SLC35G1: variants seen among roughly 807,000 people sequenced by gnomAD.
SLC35G1 encodes partner of STIM1.
Under a neutral mutation model 17.1 loss-of-function variants are expected in SLC35G1, and 10 were observed. The observed-to-expected ratio is 0.59, with a 90% CI of 0.36 to 0.99. SLC35G1 has a LOEUF of 0.99. SLC35G1 is among the 50% of genes least tolerant of loss of function. The pLI is 0.01. For synonymous variants in SLC35G1, 185 were observed against 181.1 expected, an observed-to-expected ratio of 1.02 and a Z score of -0.18; for missense variants, 433 against 468.4, an observed-to-expected ratio of 0.92 and a Z score of 0.70.
At chr10:93,907,532 A>G (rs1425530594), downstream of SLC35G1, 1 of 152,238 alleles carries the variant, frequency 6.6e-6, no homozygotes, top group Non-Finnish European at 1.5e-5. Flanking sequence ...TTAAAAATAA[A>G]TTTAAGAAGA....
Position 93,901,545 on chromosome 10 carries a change from T to TAC in SLC35G1, c.*57_*58dup. 6.6e-7 allele frequency: 1 copy of TAC among 1,525,000 alleles called. No homozygotes were observed. The highest frequency in any genetic ancestry group is 1.3e-5 in the South Asian group (1 of 75,012). 94.5% of individuals were successfully genotyped at this position (1,525,000 alleles called of 1,614,324 possible). ...CAAGTACACCATCACCTAATTCACA[T>TAC]ACAGCATACGCACACATCTGGAAAA... On this transcript the variant is annotated 3_prime_UTR_variant, in exon 3 of 3. Coordinates refer to ENST00000427197, the MANE Select transcript of SLC35G1 (RefSeq NM_001134658.3).
downstream of SLC35G1, among the ~76,000 whole-genome samples, chr10:93,905,987 A>G (rs1372043189): frequency 6.6e-6 from 1 of 152,218 alleles, no homozygotes; most frequent in African/African-American, 2.4e-5. Context: ...GGAGTGCATT[A>G]CTAACCAGAA....
At chr10:93,907,560 A>G (rs536328355), downstream of SLC35G1, 1 of 152,340 alleles carries the variant, frequency 6.6e-6, no homozygotes, top group East Asian at 1.9e-4. Flanking sequence ...AGCTTTCCAT[A>G]TATGGGTGTG....
chr10:93,895,832 G>A (rs2060324114), intron 1 of SLC35G1, among the ~76,000 whole-genome samples: 1 of 152,060 alleles, frequency 6.6e-6, no homozygotes, highest in African/African-American at 2.4e-5. Context: ...GGACAGTGTG[G>A]GTCTTACACT....
chr10:93,904,677 A>C (rs2060417196), downstream of SLC35G1, among the ~76,000 whole-genome samples: 1 of 152,222 alleles, frequency 6.6e-6, no homozygotes, highest in Non-Finnish European at 1.5e-5. Context: ...CTGAAGGTCT[A>C]GTGTGGTTTT....
intron 2 of SLC35G1, among the ~76,000 whole-genome samples, chr10:93,900,204 A>C (rs919468241): frequency 5.9e-5 from 9 of 152,208 alleles, no homozygotes; most frequent in Non-Finnish European, 5.9e-5. Flanking sequence ...ATATTCAATG[A>C]CTAAAATAAA....
chr10:93,898,271 A>G (rs2060349470), intron 1 of SLC35G1, among the ~76,000 whole-genome samples: 1 of 152,300 alleles, frequency 6.6e-6, no homozygotes, highest in South Asian at 2.1e-4. Flanking sequence ...GATTTCTCTC[A>G]CCATCTTGGC....
intron 2 of SLC35G1, among the ~76,000 whole-genome samples, chr10:93,899,874 T>G (rs2060366403): frequency 6.6e-6 from 1 of 152,224 alleles, no homozygotes; most frequent in Non-Finnish European, 1.5e-5. Flanking sequence ...GTTAAAATCC[T>G]TGGTCCTCAT....
chr10:93,894,507 GC>G (rs1220566837), intron 1 of SLC35G1, among the ~76,000 whole-genome samples: 1 of 152,092 alleles, frequency 6.6e-6, no homozygotes, highest in Admixed American at 6.5e-5. Context: ...CTGCAGTTTG[GC>G]GTACCCTCCC....
At chr10:93,907,028 T>G (rs576060943), downstream of SLC35G1, 39 of 152,260 alleles carry the variant, frequency 2.6e-4, no homozygotes, top group African/African-American at 8.9e-4. Flanking sequence ...TTCTCACTAA[T>G]TTTTTTGGAA....
Position 93,898,604 on chromosome 10 carries a change from G to A in SLC35G1, c.212G>A (p.Gly71Asp). The change falls in exon 2 of 3, where the codon GGC (glycine) becomes GAC (aspartate). Residue 71 changes from glycine (G) to aspartate (D), a missense_variant. Transcript: ENST00000427197. ...AKKKAPCPGL[G>D]LFYTLLSAFL... ...AAGAAAGCACCCTGTCCTGGACTTG[G>A]CTTGTTTTACACATTATTGTCTGCC... The A allele has an allele frequency of 1.9e-6, 3 of 1,610,106 alleles. No homozygotes were observed. The highest frequency in any genetic ancestry group is 1.7e-6 in the Non-Finnish European group (2 of 1,178,950).
rs184533072 is a variant in SLC35G1, at chr10:93,902,583, T to A, written c.*1093T>A. 1.3e-3 allele frequency: 197 copies of A among 152,772 alleles called. 2 individuals carry two copies. Among genetic ancestry groups the A allele is most frequent in the African/African-American group, 4.0e-3 (168 of 41,580 alleles). The allele number at this position is 152,772 out of a possible 1,614,324, so 9.5% of individuals were successfully genotyped here. ...AGTATATGTTTTTAAAGTAATTTTTTAAAATATGGTAATGTATTAAACTTA... is the reference window on the plus strand; with the variant it reads ...AGTATATGTTTTTAAAGTAATTTTTAAAAATATGGTAATGTATTAAACTTA... On this transcript the variant is annotated 3_prime_UTR_variant, in exon 3 of 3. Transcript: ENST00000427197.
At chr10:93,906,842 A>G (rs1012537311), downstream of SLC35G1, among the ~76,000 whole-genome samples, 4 of 152,162 alleles carry the variant, frequency 2.6e-5, no homozygotes, top group African/African-American at 9.7e-5. Flanking sequence ...CTATTTTAAT[A>G]ATAATACTAA....
intron 1 of SLC35G1, 83 bp from the exon 2 acceptor site, chr10:93,898,488 G>A: frequency 7.2e-7 from 1 of 1,384,438 alleles, no homozygotes; most frequent in Non-Finnish European, 9.9e-7. Flanking sequence ...CTTTGACACT[G>A]TTCCATTTTT....
chr10:93,900,190 T>G (rs1488439754), intron 2 of SLC35G1, among the ~76,000 whole-genome samples: 1 of 152,238 alleles, frequency 6.6e-6, no homozygotes, highest in Non-Finnish European at 1.5e-5. Context: ...TGAAAACTTG[T>G]CTCATATTCA....
rs775625610 is a variant in SLC35G1 at position 93,900,877 on chromosome 10, T to C, written c.485T>C (p.Ile162Thr). Residue 162 changes from isoleucine (I) to threonine (T), a missense_variant, in exon 3 of 3, where the codon ATC becomes ACC. Transcript: ENST00000427197. ...ATGTCCCTCGCTGATGCCACAGTTATCACGTTTAGCAGTCCAGTGTTTACG... is the reference window on the plus strand; with the variant it reads ...ATGTCCCTCGCTGATGCCACAGTTACCACGTTTAGCAGTCCAGTGTTTACG... The part of the protein sequence containing the change: ...QTMSLADATV[I>T]TFSSPVFTSI... 2.8e-5 allele frequency: 45 copies of C among 1,614,008 alleles called. No homozygotes were observed. The highest frequency in any genetic ancestry group is 4.5e-5 in the East Asian group (2 of 44,888).
rs566871996 is a variant in SLC35G1 at position 93,900,816 on chromosome 10, A to T, written c.424A>T (p.Thr142Ser). The T allele has an allele frequency of 6.2e-7, 1 of 1,614,072 alleles. No individual in the cohort carries two copies. The highest frequency in any genetic ancestry group is 1.3e-5 in the African/African-American group (1 of 75,054). The change falls in exon 3 of 3, where the codon ACC (threonine) becomes TCC (serine). Residue 142 changes from threonine (T) to serine (S), a missense_variant. By Grantham distance (58) the Thr-to-Ser change is moderately conservative. Transcript: ENST00000427197. ...FLILRGVLGS[T>S]AMMLIYYAYQ... ...CATTCTCAGAGGAGTCCTTGGTTCTACCGCCATGATGCTTATATACTATGC... is the reference window on the plus strand; with the variant it reads ...CATTCTCAGAGGAGTCCTTGGTTCTTCCGCCATGATGCTTATATACTATGC...
At position 93,898,560 on chromosome 10, in the gene SLC35G1, A is replaced by G; in HGVS notation, c.179-11A>G. 3 of 1,594,538 alleles carry G rather than the reference A, an allele frequency of 1.9e-6. No homozygotes were observed. Among genetic ancestry groups the G allele is most frequent in the Non-Finnish European group, 2.6e-6 (3 of 1,174,444 alleles). On this transcript the variant is annotated splice_polypyrimidine_tract_variant and intron_variant, in intron 1 of 2. Transcript: ENST00000427197. ...GGAAGCAAGGACTAACCAGAATTTA[A>G]TCTTTTTCAGAAGCCAAGAAGAAAG...
downstream of SLC35G1, among the ~76,000 whole-genome samples, chr10:93,906,790 C>G (rs1393531457): frequency 5.3e-5 from 8 of 152,140 alleles, no homozygotes; most frequent in African/African-American, 1.9e-4. Flanking sequence ...TTGGATACCT[C>G]AGAGTCCTCA....
Sources: gnomAD v4.1 joint callset for allele counts (sites outside exome capture counted in the v4.1 genomes callset) on GRCh38, gnomAD v4.1.1 for gene constraint, MANE v1.5 for transcripts, NCBI Gene and HGNC (gene_info 2026-07-23, HGNC 2026-07-21) for gene names.